Variants in TERT observed in about 807,000 individuals in gnomAD.
TERT encodes telomerase catalytic subunit.
TERT carries 42 observed loss-of-function variants against 104.0 expected under a neutral mutation model. The ratio of observed to expected loss-of-function variants is 0.40; its 90% CI spans 0.32 to 0.52. The LOEUF (loss-of-function observed/expected upper bound fraction) is 0.52. Among genes scored for constraint, TERT ranks in the 20% least tolerant of loss-of-function variants. The probability of loss-of-function intolerance (pLI) is 0.43; values close to 1 mark genes in which losing one functional copy is unlikely to be tolerated. For missense variants in TERT, 1,101 were observed against 1,610.3 expected (o/e 0.68, Z 5.41); for synonymous variants, 781 against 725.6 (o/e 1.08, Z -1.23).
intron 7 of TERT, 36 bp from the exon 8 acceptor site, chr5:1,271,240 C>T (rs375718782): frequency 2.3e-5 from 35 of 1,527,122 alleles, no homozygotes; most frequent in Non-Finnish European, 2.4e-5. Flanking sequence ...GGGAGTGAGC[C>T]GGTGGGTGCT....
rs2126692838 is a variant in TERT, at chr5:1,294,954, G to T, written c.36C>A (p.Ser12=). 2 of 1,381,336 alleles carry T rather than the reference G, an allele frequency of 1.4e-6. No homozygotes were observed. The highest frequency in any genetic ancestry group is 9.3e-7 in the Non-Finnish European group (1 of 1,073,500). 85.6% of individuals were successfully genotyped at this position (1,381,336 alleles called of 1,614,324 possible). Residue 12 remains serine, a synonymous_variant, in exon 1 of 16, where the codon TCC becomes TCA. Transcript: ENST00000310581. ...PRAPRCRAVR[S]LLRSHYREVL... ...CCTCGCGGTAGTGGCTGCGCAGCAG[G>T]GAGCGCACGGCTCGGCAGCGGGGAG...
rs1250720718 is a variant in TERT, at chr5:1,294,178, C to G, written c.708G>C (p.Lys236Asn). Residue 236 changes from lysine (K) to asparagine (N), a missense_variant, in exon 2 of 16, where the codon AAG becomes AAC. Transcript: ENST00000310581. ...GSASRSLPLP[K>N]RPRRGAAPEP... is the part of the protein sequence containing the mutation. ...CAGGGGCAGCGCCACGCCTGGGCCTCTTGGGCAACGGCAGACTTCGGCTGG... is the reference window on the plus strand; with the variant it reads ...CAGGGGCAGCGCCACGCCTGGGCCTGTTGGGCAACGGCAGACTTCGGCTGG... 2 of 1,582,812 alleles carry G rather than the reference C, an allele frequency of 1.3e-6. No individual in the cohort carries two copies. Among genetic ancestry groups the G allele is most frequent in the African/African-American group, 2.7e-5 (2 of 74,212 alleles).
chr5:1,255,558 G>T lies in TERT; in HGVS notation c.3033-147C>A. On this transcript the variant is annotated intron_variant, in intron 13 of 15. Coordinates refer to ENST00000310581, the MANE Select transcript of TERT (RefSeq NM_198253.3). The surrounding 1 kb of genome is among the most constrained non-coding windows in gnomAD (Gnocchi z 6.9). The stretch of plus-strand genomic sequence containing the variant: ...TGGGCACAGGTGCACACACACGGAT[G>T]CATGCATGCATGTCTGTGTGTGTGC... The T allele has an allele frequency of 1.1e-6, 1 of 936,500 alleles. No homozygotes were observed. Among genetic ancestry groups the T allele is most frequent in the Non-Finnish European group, 1.7e-6 (1 of 593,762 alleles). The allele number at this position is 936,500 out of a possible 1,614,324, so 58.0% of individuals were successfully genotyped here. A position where few individuals can be genotyped will look rare whatever the true frequency, so the allele number is the denominator to read the frequency against.
In TERT at chr5:1,263,954, G is replaced by A. The variant is rs576337235; in HGVS notation, c.2843+450C>T. Among the ~76,000 whole-genome samples the A allele has an allele frequency of 2.2e-4, 33 of 152,200 alleles. No homozygotes were observed. Among genetic ancestry groups the A allele is most frequent in the African/African-American group, 6.5e-4 (27 of 41,514 alleles). ...AGCCTTGGAGTGTGGGGCTCACAGC[G>A]GAGAGACTCACGCCCAAAAGGGCCC... On this transcript the variant is annotated intron_variant, in intron 11 of 15. Coordinates refer to ENST00000310581, the MANE Select transcript of TERT (RefSeq NM_198253.3). The surrounding 1 kb of genome is among the most constrained non-coding windows in gnomAD (Gnocchi z 5.3).
At chr5:1,260,997 G>A (rs892433125) in intron 11 of TERT, among the ~76,000 whole-genome samples, 1 of 152,194 alleles carries the variant, frequency 6.6e-6, no homozygotes, top group African/African-American at 2.4e-5. Context: ...CACTGAGTTG[G>A]GCGTGGGGAA....
rs372087054 is a variant in TERT at position 1,279,685 on chromosome 5, C to T, written c.1951-215G>A. On this transcript the variant is annotated intron_variant, in intron 4 of 15. Transcript: ENST00000310581. ...GGGATCCTCATGCCACACCTCTGTC[C>T]ACCTCACCCCACACTCTCCTCAGAT... Among the ~76,000 whole-genome samples the T allele has an allele frequency of 2.3e-4, 35 of 152,254 alleles. No homozygotes were observed. In the South Asian group the frequency reaches 7.2e-3, roughly 32 times the overall value.
rs73022215 is a variant in TERT, at chr5:1,287,413, C to T, written c.1574-4789G>A. On this transcript the variant is annotated intron_variant, in intron 2 of 15. Transcript: ENST00000310581. The surrounding 1 kb of genome is among the most constrained non-coding windows in gnomAD (Gnocchi z 4.3). ...TATTCAGGAGGCTGAGGTGAGAGGACGGCTCAGGCCAGAAGGTAAAAGTTA... is the reference window on the plus strand; with the variant it reads ...TATTCAGGAGGCTGAGGTGAGAGGATGGCTCAGGCCAGAAGGTAAAAGTTA... 1.3e-3 allele frequency among the ~76,000 whole-genome samples: 197 copies of T among 151,314 alleles called. No individual in the cohort carries two copies. Among genetic ancestry groups the T allele is most frequent in the African/African-American group, 4.2e-3 (174 of 41,206 alleles).
rs1345469111 is a variant in TERT, at chr5:1,292,048, T to A, written c.1573+1265A>T. 1.3e-5 allele frequency among the ~76,000 whole-genome samples: 2 copies of A among 152,122 alleles called. No homozygotes were observed. The highest frequency in any genetic ancestry group is 2.1e-4 in the South Asian group (1 of 4,824). The stretch of plus-strand genomic sequence containing the variant: ...CAACCTGCTGTAAACACCGCCGAGT[T>A]AGCAATTCTGCACTGTACACAGAAA... On this transcript the variant is annotated intron_variant, in intron 2 of 15. Coordinates refer to ENST00000310581, the MANE Select transcript of TERT (RefSeq NM_198253.3). This position sits in a 1 kb window ranked among gnomAD's most constrained non-coding sequence, Gnocchi z 5.5.
chr5:1,284,008 A>G (rs1338089607), intron 2 of TERT, among the ~76,000 whole-genome samples: 1 of 103,768 alleles, frequency 9.6e-6, no homozygotes, highest in Non-Finnish European at 2.0e-5. Flanking sequence ...TCCAGCTCAC[A>G]GCAGGGCCTG....
At position 1,261,375 on chromosome 5, in the gene TERT, C is replaced by T. The variant is rs369863482; in HGVS notation, c.2844-775G>A. Among the ~76,000 whole-genome samples, 1 of 152,224 alleles carries T rather than the reference C, an allele frequency of 6.6e-6. No homozygotes were observed. Among genetic ancestry groups the T allele is most frequent in the African/African-American group, 2.4e-5 (1 of 41,458 alleles). On this transcript the variant is annotated intron_variant, in intron 11 of 15. Transcript: ENST00000310581. This position sits in a 1 kb window ranked among gnomAD's most constrained non-coding sequence, Gnocchi z 7.4. ...GCCCTGTATTTGGGCAGGTTCGTGA[C>T]TTGCTGTGGCAAGTCCCCCTGCCTG...
chr5:1,278,569 C>T lies in TERT; in HGVS notation c.2286+72G>A, dbSNP rs572446985. 678 of 1,602,116 alleles carry T rather than the reference C, an allele frequency of 4.2e-4. 6 individuals carry two copies. The East Asian group carries it at 0.014, about 32-fold the overall frequency. On this transcript the variant is annotated intron_variant, in intron 6 of 15. Transcript: ENST00000310581. ...CCACCACAGAAACGCATCACAGACACGACTGCATTCTAGACACATTCATAT... is the reference window on the plus strand; with the variant it reads ...CCACCACAGAAACGCATCACAGACATGACTGCATTCTAGACACATTCATAT...
chr5:1,264,271 G>C lies in TERT; in HGVS notation c.2843+133C>G. 3.2e-6 allele frequency: 3 copies of C among 928,838 alleles called. 1 individual carries two copies. Among genetic ancestry groups the C allele is most frequent in the Middle Eastern group, 6.2e-4 (2 of 3,210 alleles). The allele number at this position is 928,838 out of a possible 1,614,324, so 57.5% of individuals were successfully genotyped here. On this transcript the variant is annotated intron_variant, in intron 11 of 15. Transcript: ENST00000310581. ...TGCTCAGCCCCAGATGGGACGAGGG[G>C]CACCCTGTGGCCTCTGACCCTTTGG...
Position 1,253,340 on chromosome 5 carries a change from C to G in TERT, c.*388G>C, listed in dbSNP as rs1747462063. The G allele has an allele frequency of 7.2e-6, 3 of 419,198 alleles. No individual in the cohort carries two copies. In the East Asian group the frequency reaches 1.2e-4, roughly 17 times the overall value. 26.0% of individuals were successfully genotyped at this position (419,198 alleles called of 1,614,324 possible). ...CCAGGGTCCTTCTCAGGGTCTCCAC[C>G]TGGATGGTGGGGGTGGAAGGCAAAG... On this transcript the variant is annotated 3_prime_UTR_variant, in exon 16 of 16. Transcript: ENST00000310581.
At position 1,290,638 on chromosome 5, in the gene TERT, A is replaced by G. The variant is rs1201338733; in HGVS notation, c.1573+2675T>C. ...GAACGTGACAGGGACACCCGGGGAC[A>G]GTGCCTCACTCACCCTACACGGGAC... is the stretch of plus-strand genomic sequence containing the variant. On this transcript the variant is annotated intron_variant, in intron 2 of 15. Transcript: ENST00000310581. Among the ~76,000 whole-genome samples, 8 of 41,506 alleles carry G rather than the reference A, an allele frequency of 1.9e-4. 1 individual carries two copies. The East Asian group carries it at 2.0e-3, about 10-fold the overall frequency. The allele number at this position is 41,506 out of a possible 152,430, so 27.2% of individuals were successfully genotyped here.
Position 1,261,675 on chromosome 5 carries a change from C to G in TERT, c.2844-1075G>C, listed in dbSNP as rs1033529170. On this transcript the variant is annotated intron_variant, in intron 11 of 15. Transcript: ENST00000310581. This position sits in a 1 kb window ranked among gnomAD's most constrained non-coding sequence, Gnocchi z 7.4. ...TTTCACATGCATTTCTTTGACGCTG[C>G]TGGTAGGACCTTCCCAAGTGTGCAT... Among the ~76,000 whole-genome samples the G allele has an allele frequency of 1.3e-5, 2 of 152,222 alleles. No individual in the cohort carries two copies. The highest frequency in any genetic ancestry group is 4.8e-5 in the African/African-American group (2 of 41,456).
chr5:1,277,279 C>T (rs1749664987), intron 6 of TERT, among the ~76,000 whole-genome samples: 1 of 152,240 alleles, frequency 6.6e-6, no homozygotes, highest in Admixed American at 6.5e-5. Flanking sequence ...AGCAACCCCA[C>T]CCCTGGAATT....
At chr5:1,290,296 G>T in intron 2 of TERT, among the ~76,000 whole-genome samples, 1 of 62,758 alleles carries the variant, frequency 1.6e-5, no homozygotes. Context: ...AGGGACACCC[G>T]GGGACGGCGC....
rs760189090 is a variant in TERT at position 1,272,284 on chromosome 5, C to T, written c.2287-4G>A. Reference sequence around the variant, plus strand: ...GGAGGTCTGTCAAGGTAGAGACCTGCCGGCAGAGGAGAGGGCATGAGCCAC... The same window carrying T: ...GGAGGTCTGTCAAGGTAGAGACCTGTCGGCAGAGGAGAGGGCATGAGCCAC... On this transcript the variant is annotated splice_region_variant and splice_polypyrimidine_tract_variant and intron_variant, in intron 6 of 15. Coordinates refer to ENST00000310581, the MANE Select transcript of TERT (RefSeq NM_198253.3). The T allele has an allele frequency of 6.2e-7, 1 of 1,608,928 alleles. No individual in the cohort carries two copies.
intron 15 of TERT, 126 bp from the exon 16 acceptor site, chr5:1,253,957 C>T: frequency 9.6e-7 from 1 of 1,042,248 alleles, no homozygotes; most frequent in Non-Finnish European, 1.5e-6. Context: ...GTGGGAACCT[C>T]AGTGAAGGGA....
Sources: allele counts gnomAD v4.1 joint callset (sites outside exome capture counted in the v4.1 genomes callset), GRCh38; gene constraint gnomAD v4.1.1; non-coding constraint Gnocchi (gnomAD v3.1); transcripts MANE v1.5; gene names NCBI Gene and HGNC (gene_info 2026-07-23, HGNC 2026-07-21).